The following TMPRSS6 variants were observed in gnomAD, a reference collection of about 807,000 sequenced individuals.
TMPRSS6 encodes transmembrane protease serine 6.
A neutral mutation model predicts 101.5 loss-of-function variants in TMPRSS6; 67 were observed. The observed-to-expected ratio is 0.66, with a 90% CI of 0.54 to 0.81. TMPRSS6 has a LOEUF of 0.81. TMPRSS6 is among the 30% of genes least tolerant of loss of function. The pLI, the probability that TMPRSS6 is intolerant of heterozygous loss-of-function variation, is 0.00. For synonymous variants in TMPRSS6, 453 were observed against 464.9 expected (o/e 0.97, Z 0.33); for missense variants, 1,034 against 1,088.7 (o/e 0.95, Z 0.71).
In TMPRSS6 at chr22:37,098,461, C is replaced by A; in HGVS notation, c.291G>T (p.Arg97=). ...NRHFSQDLTR[R]ESSAFRSETA... is the part of the protein sequence containing the mutation. ...TTTCACTGCGGAAGGCACTAGATTC[C>A]CGGCGGGTAAGATCCTGGGAGAAGT... The change falls in exon 3 of 18, where the codon CGG becomes CGT. Residue 97 remains arginine (R), a synonymous_variant. Coordinates refer to ENST00000676104, the MANE Select transcript of TMPRSS6 (RefSeq NM_001374504.1). 6.2e-7 allele frequency: 1 copy of A among 1,614,064 alleles called. No individual in the cohort carries two copies. The highest frequency in any genetic ancestry group is 8.5e-7 in the Non-Finnish European group (1 of 1,180,010).
At chr22:37,067,082 T>G in intron 16 of TMPRSS6, 120 bp from the exon 17 acceptor site, 1 of 1,468,074 alleles carries the variant, frequency 6.8e-7, no homozygotes, top group Non-Finnish European at 9.3e-7. Context: ...CTGCCCACCC[T>G]TACCCCTGCT....
intron 2 of TMPRSS6, among the ~76,000 whole-genome samples, chr22:37,100,872 C>T (rs1477893387): frequency 2.0e-5 from 3 of 152,164 alleles, no homozygotes; most frequent in African/African-American, 4.8e-5. Flanking sequence ...ACCTGCTGAG[C>T]GGAAAGGACC....
chr22:37,079,067 A>AC (rs1569006494), intron 10 of TMPRSS6, among the ~76,000 whole-genome samples: 1 of 151,416 alleles, frequency 6.6e-6, no homozygotes, highest in South Asian at 2.1e-4. Context: ...GGACTACCCT[A>AC]CCCCCCATCA....
In TMPRSS6 at chr22:37,065,992, C is replaced by A; in HGVS notation, c.*88G>T. The A allele has an allele frequency of 1.9e-6, 3 of 1,577,428 alleles. No individual in the cohort carries two copies. The highest frequency in any genetic ancestry group is 2.6e-6 in the Non-Finnish European group (3 of 1,151,156). ...CAGGGCCTGCTCTCTCCCCCACCCC[C>A]CGCCAGAATACTTGTCCCCCTGCTT... On this transcript the variant is annotated 3_prime_UTR_variant, in exon 18 of 18. Coordinates refer to ENST00000676104, the MANE Select transcript of TMPRSS6 (RefSeq NM_001374504.1).
At chr22:37,104,286 C>T (rs907417998) in intron 1 of TMPRSS6, among the ~76,000 whole-genome samples, 9 of 152,092 alleles carry the variant, frequency 5.9e-5, no homozygotes, top group Admixed American at 1.3e-4. Flanking sequence ...CACTCCCAGA[C>T]GCATTTTACA....
Position 37,089,489 on chromosome 22 carries a change from G to A in TMPRSS6, c.836+89C>T, listed in dbSNP as rs549860755. The A allele has an allele frequency of 7.6e-6, 10 of 1,318,494 alleles. No individual in the cohort carries two copies. The African/African-American group carries it at 1.3e-4, about 17-fold the overall frequency. 81.7% of individuals were successfully genotyped at this position (1,318,494 alleles called of 1,614,324 possible). On this transcript the variant is annotated intron_variant, in intron 7 of 17. Coordinates refer to ENST00000676104, the MANE Select transcript of TMPRSS6 (RefSeq NM_001374504.1). ...CAGGCCCAAGGTCCTACCCTCCCTT[G>A]TCTAAGAATGCTGTGTGTGACTTTC...
intron 5 of TMPRSS6, 37 bp from the exon 6 acceptor site, chr22:37,095,629 C>CAAAAAAAAAAAAAAAAAAAAAA: frequency 8.5e-7 from 1 of 1,176,572 alleles, no homozygotes. Flanking sequence ...TAAACAAGAA[C>CAAAAAAAAAAAAAAAAAAAAAA]AAAAAAAAAA....
chr22:37,098,120 G>A (rs1487091308), intron 3 of TMPRSS6, among the ~76,000 whole-genome samples: 2 of 151,404 alleles, frequency 1.3e-5, no homozygotes, highest in Non-Finnish European at 2.9e-5. Context: ...GTCCTGTAAC[G>A]GAGGGGCAGG....
chr22:37,089,516 A>G, intron 7 of TMPRSS6, 62 bp downstream of exon 7: 1 of 1,484,986 alleles, frequency 6.7e-7, no homozygotes, highest in Non-Finnish European at 9.1e-7. Flanking sequence ...GTGACTTTCA[A>G]CTCCCCCATC....
intron 10 of TMPRSS6, among the ~76,000 whole-genome samples, chr22:37,079,617 C>T (rs1406541389): frequency 6.6e-6 from 1 of 152,240 alleles, no homozygotes; most frequent in Non-Finnish European, 1.5e-5. Flanking sequence ...CCTGGGGCTG[C>T]AGAGCTGAAT....
chr22:37,093,380 CTTTCTTTTTTT>C (rs1180907850), intron 6 of TMPRSS6, among the ~76,000 whole-genome samples: 8 of 113,082 alleles, frequency 7.1e-5, no homozygotes, highest in South Asian at 5.8e-4. Flanking sequence ...TCCTTTCTTT[CTTTCTTTTTTT>C]TTTTTTTTTT....
chr22:37,066,322 A>C, intron 17 of TMPRSS6, 84 bp from the exon 18 acceptor site: 1 of 1,356,058 alleles, frequency 7.4e-7, no homozygotes, highest in Admixed American at 2.3e-5. Flanking sequence ...TTAAGTCCTG[A>C]CTGTTGGGAA....
In TMPRSS6 at chr22:37,069,325, A is replaced by G. The variant is rs766175859; in HGVS notation, c.1861T>C (p.Trp621Arg). 2 of 1,120,474 alleles carry G rather than the reference A, an allele frequency of 1.8e-6. No homozygotes were observed. Among genetic ancestry groups the G allele is most frequent in the South Asian group, 2.4e-5 (2 of 82,630 alleles). 69.4% of individuals were successfully genotyped at this position (1,120,474 alleles called of 1,614,324 possible). A position where few individuals can be genotyped will look rare whatever the true frequency, so the allele number is the denominator to read the frequency against. Residue 621 changes from tryptophan to arginine, a missense_variant, in exon 16 of 18, where the codon TGG (tryptophan) becomes CGG (arginine). Coordinates refer to ENST00000676104, the MANE Select transcript of TMPRSS6 (RefSeq NM_001374504.1). The surrounding 1 kb of genome is among the most constrained non-coding windows in gnomAD (Gnocchi z 4.8). Reference protein sequence around the residue: ...QEDSMASTVLWTVFLGKVWQN... With the variant: ...QEDSMASTVLRTVFLGKVWQN... ...CACACCTTGCCCAGGAACACGGTCC[A>G]CAGCACCGTGGAGGCCATGCTGGGG...
chr22:37,068,118 G>A (rs1206336515), intron 16 of TMPRSS6, among the ~76,000 whole-genome samples: 2 of 151,764 alleles, frequency 1.3e-5, no homozygotes, highest in African/African-American at 4.8e-5. Flanking sequence ...CCCCATCCAT[G>A]TCAGCTCTTA....
intron 6 of TMPRSS6, among the ~76,000 whole-genome samples, chr22:37,092,231 C>T (rs560527951): frequency 1.1e-4 from 16 of 152,068 alleles, no homozygotes; most frequent in Admixed American, 1.0e-3. Flanking sequence ...CCTCCCCCAG[C>T]CTTTGCCCCT....
chr22:37,107,976 G>C (rs1247986850), intron 1 of TMPRSS6, among the ~76,000 whole-genome samples: 1 of 152,198 alleles, frequency 6.6e-6, no homozygotes, highest in Non-Finnish European at 1.5e-5. Context: ...ATTGTTAAAT[G>C]AATGAATGAC....
Position 37,073,622 on chromosome 22 carries a change from T to G in TMPRSS6, c.1465A>C (p.Lys489Gln). ...NCVCRATFQC[K>Q]EDSTCISLPK... is the part of the protein sequence containing the mutation. ...AGTGAGATGCATGTGCTGTCCTCTT[T>G]GCACTGGAATGTGGCTCTGCAAACT... Residue 489 changes from lysine to glutamine, a missense_variant, in exon 13 of 18, where the codon AAA becomes CAA. Lys to Gln is a moderately conservative substitution (Grantham distance 53). Transcript: ENST00000676104. 6.2e-7 allele frequency: 1 copy of G among 1,613,974 alleles called. No individual in the cohort carries two copies. The highest frequency in any genetic ancestry group is 8.5e-7 in the Non-Finnish European group (1 of 1,179,866).
chr22:37,069,451 G>T lies in TMPRSS6; in HGVS notation c.1842-107C>A. The stretch of plus-strand genomic sequence containing the variant: ...TAGCCAGATCCCCGCCCGGGACAGT[G>T]CCCTCCACACCCAGCCCTCCCTTCC... On this transcript the variant is annotated intron_variant, in intron 15 of 17. Coordinates refer to ENST00000676104, the MANE Select transcript of TMPRSS6 (RefSeq NM_001374504.1). The surrounding 1 kb of genome is among the most constrained non-coding windows in gnomAD (Gnocchi z 4.8). The T allele has an allele frequency of 9.0e-7, 1 of 1,108,960 alleles. No individual in the cohort carries two copies. The highest frequency in any genetic ancestry group is 1.3e-6 in the Non-Finnish European group (1 of 778,006). The allele number at this position is 1,108,960 out of a possible 1,614,324, so 68.7% of individuals were successfully genotyped here.
At chr22:37,094,381 T>TGATA (rs67454685) in intron 6 of TMPRSS6, among the ~76,000 whole-genome samples, 29,711 of 130,836 alleles carry the variant, frequency 0.23, 2,996 homozygotes, top group African/African-American at 0.24. Context: ...TAATGATTGA[T>TGATA]GATAGATAGA....
Sources: gnomAD v4.1 joint callset for allele counts (sites outside exome capture counted in the v4.1 genomes callset) on GRCh38, gnomAD v4.1.1 for gene constraint, Gnocchi (gnomAD v3.1) non-coding constraint, MANE v1.5 for transcripts, NCBI Gene and HGNC (gene_info 2026-07-23, HGNC 2026-07-21) for gene names.